The following AOPEP variants were observed in gnomAD, a reference collection of about 807,000 sequenced individuals.
AOPEP encodes aminopeptidase O.
Under a neutral mutation model 98.1 loss-of-function variants are expected in AOPEP, and 77 were observed. The observed-to-expected ratio is 0.78, with a 90% CI of 0.65 to 0.95. The LOEUF is 0.95. Ranked by LOEUF, AOPEP falls within the 40% of genes least tolerant of loss-of-function variation. The pLI, the probability that AOPEP is intolerant of heterozygous loss-of-function variation, is 0.00. For synonymous variants in AOPEP, 346 were observed against 365.3 expected (o/e 0.95, Z 0.60); for missense variants, 1,024 against 1,024.7 (o/e 1.00, Z 0.01).
chr9:95,123,651 C>T, the AOPEP span: 1 of 627,014 alleles, frequency 1.6e-6, no homozygotes, highest in East Asian at 3.4e-5. Flanking sequence ...ATTGGAAACA[C>T]AGTGGAGGCT....
At chr9:95,085,948 C>T (rs2070624609) in intron 16 of AOPEP, 3 of 1,334,678 alleles carry the variant, frequency 2.2e-6, no homozygotes, top group Non-Finnish European at 2.0e-6. Context: ...TTCGCGTCTC[C>T]TGCGCCAGCA....
intron 5 of AOPEP, among the ~76,000 whole-genome samples, chr9:94,856,125 A>G (rs2044179525): frequency 6.6e-6 from 1 of 152,152 alleles, no homozygotes; most frequent in African/African-American, 2.4e-5. Flanking sequence ...ATGGCTGGGA[A>G]TGTGCCATGT....
chr9:94,842,204 A>C (rs891936086), intron 5 of AOPEP, among the ~76,000 whole-genome samples: 1 of 152,024 alleles, frequency 6.6e-6, no homozygotes, highest in Non-Finnish European at 1.5e-5. Context: ...TCTACTAAAA[A>C]TACAAAAATT....
At chr9:95,053,387 T>C (rs956545357) in intron 13 of AOPEP, among the ~76,000 whole-genome samples, 4 of 152,224 alleles carry the variant, frequency 2.6e-5, no homozygotes, top group Non-Finnish European at 5.9e-5. Context: ...TAAAAACATT[T>C]CTTGCCATCT....
At chr9:94,779,866 A>G (rs994570403) in intron 3 of AOPEP, among the ~76,000 whole-genome samples, 2 of 152,148 alleles carry the variant, frequency 1.3e-5, no homozygotes, top group African/African-American at 4.8e-5. Context: ...ACTTTTGTTT[A>G]CACAGCATGC....
chr9:94,860,636 T>C (rs183968308), intron 5 of AOPEP, among the ~76,000 whole-genome samples: 349 of 152,170 alleles, frequency 2.3e-3, no homozygotes, highest in Non-Finnish European at 4.0e-3. Context: ...GAGAGTTTTA[T>C]ATGGGGAGAT....
chr9:94,971,012 A>G (rs2059502904), intron 10 of AOPEP, among the ~76,000 whole-genome samples: 1 of 152,156 alleles, frequency 6.6e-6, no homozygotes, highest in Non-Finnish European at 1.5e-5. Context: ...TTTTCACTGA[A>G]GCAATAAAGT....
At chr9:94,753,243 T>A (rs1050583263) in intron 1 of AOPEP, among the ~76,000 whole-genome samples, 1 of 152,176 alleles carries the variant, frequency 6.6e-6, no homozygotes, top group African/African-American at 2.4e-5. Flanking sequence ...AGGAGTGGAA[T>A]GTATAAATTA....
intron 13 of AOPEP, among the ~76,000 whole-genome samples, chr9:95,012,814 A>G (rs1301691873): frequency 6.6e-6 from 1 of 152,150 alleles, no homozygotes; most frequent in Non-Finnish European, 1.5e-5. Context: ...GTATTTGTTG[A>G]ATGAATTAAA....
chr9:94,875,754 CCTCTCAGT>C (rs1440845070), intron 5 of AOPEP, among the ~76,000 whole-genome samples: 1 of 152,210 alleles, frequency 6.6e-6, no homozygotes, highest in Non-Finnish European at 1.5e-5. Context: ...GTTTGGTCGG[CCTCTCAGT>C]TTTGAGAGAT....
At chr9:94,781,714 C>T (rs1183119896) in intron 3 of AOPEP, among the ~76,000 whole-genome samples, 1 of 151,338 alleles carries the variant, frequency 6.6e-6, no homozygotes, top group Non-Finnish European at 1.5e-5. Context: ...GCACCCGCCA[C>T]CACGCCTGGC....
intron 11 of AOPEP, among the ~76,000 whole-genome samples, chr9:94,986,723 A>G (rs987477556): frequency 3.3e-5 from 5 of 152,182 alleles, no homozygotes; most frequent in African/African-American, 1.2e-4. Context: ...CTGATTTGAC[A>G]CTGTCCAAAT....
intron 7 of AOPEP, among the ~76,000 whole-genome samples, chr9:94,949,659 G>A (rs2057955981): frequency 6.6e-6 from 1 of 152,202 alleles, no homozygotes; most frequent in Non-Finnish European, 1.5e-5. Flanking sequence ...CAGCGGTGTT[G>A]ATACAATACA....
At chr9:95,048,612 C>T (rs1422041388) in intron 13 of AOPEP, among the ~76,000 whole-genome samples, 1 of 152,074 alleles carries the variant, frequency 6.6e-6, no homozygotes, top group Non-Finnish European at 1.5e-5. Flanking sequence ...CCACGCCTGC[C>T]CTCGGCTCCC....
intron 5 of AOPEP, among the ~76,000 whole-genome samples, chr9:94,819,393 C>T (rs1052367929): frequency 3.9e-5 from 6 of 152,110 alleles, no homozygotes; most frequent in Non-Finnish European, 8.8e-5. Flanking sequence ...CCAGCAGCTG[C>T]GGGGAGCCAG....
chr9:95,137,148 T>C, the AOPEP span, among the ~76,000 whole-genome samples: 1 of 152,238 alleles, frequency 6.6e-6, no homozygotes, highest in Non-Finnish European at 1.5e-5. Flanking sequence ...GGCCTGTCCC[T>C]TCACCATGAC....
intron 5 of AOPEP, among the ~76,000 whole-genome samples, chr9:94,899,600 A>G (rs901935426): frequency 2.0e-5 from 3 of 151,694 alleles, no homozygotes; most frequent in Admixed American, 6.6e-5. Flanking sequence ...AAATTTACAA[A>G]TTAGCCAGAC....
intron 13 of AOPEP, among the ~76,000 whole-genome samples, chr9:95,006,706 T>C (rs1402243663): frequency 1.3e-5 from 2 of 152,030 alleles, no homozygotes; most frequent in African/African-American, 4.8e-5. Flanking sequence ...AGTTGAAGAA[T>C]AATAGAAAAA....
At chr9:94,781,059 G>A (rs867353688) in intron 3 of AOPEP, among the ~76,000 whole-genome samples, 9 of 151,816 alleles carry the variant, frequency 5.9e-5, no homozygotes, top group African/African-American at 2.2e-4. Context: ...GATGACCATT[G>A]TAAGAATTCT....
Sources: allele counts gnomAD v4.1 joint callset (sites outside exome capture counted in the v4.1 genomes callset), GRCh38; gene constraint gnomAD v4.1.1; transcripts MANE v1.5; gene names NCBI Gene and HGNC (gene_info 2026-07-23, HGNC 2026-07-21).